The following MRPS28 variants were observed in gnomAD, a reference collection of about 807,000 sequenced individuals.
The protein encoded by MRPS28 is mitochondrial ribosomal protein S28.
A neutral mutation model predicts 10.8 loss-of-function variants in MRPS28; 7 were observed. The ratio of observed to expected loss-of-function variants is 0.65; its 90% CI spans 0.37 to 1.22. The LOEUF is 1.22. MRPS28 is among the 50% of genes most tolerant of loss of function. The probability of loss-of-function intolerance (pLI) is 0.02; values close to 1 mark genes in which losing one functional copy is unlikely to be tolerated. For synonymous variants in MRPS28, 121 were observed against 93.3 expected (o/e 1.30, Z -1.71); for missense variants, 265 against 232.9 (o/e 1.14, Z -0.90).
At chr8:80,020,179 T>C (rs979599852) in intron 1 of MRPS28, among the ~76,000 whole-genome samples, 7 of 152,176 alleles carry the variant, frequency 4.6e-5, no homozygotes, top group Non-Finnish European at 8.8e-5. Context: ...TGCGTGACCA[T>C]AAGGCATTGT....
intron 2 of MRPS28, among the ~76,000 whole-genome samples, chr8:79,955,948 T>C (rs972207842): frequency 6.6e-6 from 1 of 152,144 alleles, no homozygotes; most frequent in Non-Finnish European, 1.5e-5. Flanking sequence ...TAGCTTCCGA[T>C]TTTCCAAAGG....
At chr8:80,018,838 C>T (rs1809274568) in intron 1 of MRPS28, among the ~76,000 whole-genome samples, 1 of 152,212 alleles carries the variant, frequency 6.6e-6, no homozygotes, top group Admixed American at 6.5e-5. Context: ...GATCCTGTCA[C>T]TTGCAACAAC....
intron 1 of MRPS28, among the ~76,000 whole-genome samples, chr8:80,016,757 G>A (rs749004510): frequency 9.9e-5 from 15 of 152,088 alleles, no homozygotes; most frequent in African/African-American, 1.4e-4. Context: ...TGAAGAAGTC[G>A]GAATAATCCT....
intron 2 of MRPS28, among the ~76,000 whole-genome samples, chr8:79,928,835 G>A (rs1043828645): frequency 1.5e-4 from 22 of 151,710 alleles, no homozygotes; most frequent in African/African-American, 5.1e-4. Context: ...CCTGAGGTCA[G>A]AAGTTCAAGA....
chr8:79,960,367 C>T (rs1394740880), intron 2 of MRPS28, among the ~76,000 whole-genome samples: 2 of 152,104 alleles, frequency 1.3e-5, no homozygotes, highest in Admixed American at 1.3e-4. Context: ...GGCTCTGTGC[C>T]AGAGCCTAAT....
At chr8:79,942,085 T>C (rs80213907) in intron 2 of MRPS28, among the ~76,000 whole-genome samples, 2,930 of 152,242 alleles carry the variant, frequency 0.019, 86 homozygotes, top group African/African-American at 0.064. Flanking sequence ...CCTAGTGGCA[T>C]GCAAAGTCTC....
At chr8:80,011,259 A>T (rs1809039102) in intron 1 of MRPS28, among the ~76,000 whole-genome samples, 1 of 151,878 alleles carries the variant, frequency 6.6e-6, no homozygotes, top group Admixed American at 6.6e-5. Context: ...TCAAGAGAAG[A>T]GCAAACAGTA....
chr8:80,001,908 T>C (rs1406092769), intron 2 of MRPS28, among the ~76,000 whole-genome samples: 3 of 152,208 alleles, frequency 2.0e-5, no homozygotes, highest in East Asian at 1.9e-4. Flanking sequence ...TGTTGGTGAC[T>C]TGACATTGGC....
At chr8:79,986,529 T>C (rs1178051260) in intron 2 of MRPS28, among the ~76,000 whole-genome samples, 13 of 152,214 alleles carry the variant, frequency 8.5e-5, no homozygotes, top group Non-Finnish European at 1.8e-4. Flanking sequence ...GAAAACCCCG[T>C]TGTCTCAGCC....
intron 2 of MRPS28, among the ~76,000 whole-genome samples, chr8:79,987,821 G>T (rs565835146): frequency 4.9e-4 from 74 of 152,222 alleles, no homozygotes; most frequent in Admixed American, 1.5e-3. Flanking sequence ...ACTTTTACAC[G>T]GTTGGTGGGA....
intron 1 of MRPS28, among the ~76,000 whole-genome samples, chr8:80,019,217 A>C (rs1293854231): frequency 1.3e-5 from 2 of 151,270 alleles, no homozygotes; most frequent in Non-Finnish European, 2.9e-5. Flanking sequence ...TGTTAACACA[A>C]AGAGTAAATG....
chr8:79,986,312 A>C (rs961954855), intron 2 of MRPS28, among the ~76,000 whole-genome samples: 2 of 152,354 alleles, frequency 1.3e-5, no homozygotes, highest in South Asian at 4.1e-4. Flanking sequence ...ACCCACAGTC[A>C]ATATCATACT....
chr8:79,945,165 C>T (rs1474738518), intron 2 of MRPS28, among the ~76,000 whole-genome samples: 1 of 152,076 alleles, frequency 6.6e-6, no homozygotes, highest in East Asian at 1.9e-4. Flanking sequence ...TTGGAAAGTC[C>T]TGGCAACCTA....
chr8:79,960,273 G>T (rs1807342288), intron 2 of MRPS28, among the ~76,000 whole-genome samples: 1 of 152,090 alleles, frequency 6.6e-6, no homozygotes, highest in Non-Finnish European at 1.5e-5. Context: ...ATAGAATGCT[G>T]CTGCAGGCTG....
intron 2 of MRPS28, among the ~76,000 whole-genome samples, chr8:79,983,892 G>A (rs1469974264): frequency 6.6e-6 from 1 of 152,142 alleles, no homozygotes; most frequent in East Asian, 1.9e-4. Context: ...TAGCAAGGCA[G>A]GCCAACATTC....
At chr8:79,977,229 CA>C (rs1205355032) in intron 2 of MRPS28, among the ~76,000 whole-genome samples, 67 of 152,202 alleles carry the variant, frequency 4.4e-4, no homozygotes, top group African/African-American at 1.6e-3. Flanking sequence ...TGGTGGAGCT[CA>C]TTAAATACTC....
chr8:79,919,185 A>C, intron 2 of MRPS28, 37 bp from the exon 3 acceptor site: 4 of 1,494,346 alleles, frequency 2.7e-6, no homozygotes, highest in Non-Finnish European at 3.6e-6. Context: ...ATTAATTCTG[A>C]ATATCATAAC....
At chr8:80,009,132 G>A (rs891979422) in intron 1 of MRPS28, among the ~76,000 whole-genome samples, 6 of 152,120 alleles carry the variant, frequency 3.9e-5, no homozygotes, top group African/African-American at 7.2e-5. Context: ...GTAGGGACAC[G>A]GATGAAGCTG....
At chr8:79,940,559 T>C (rs1175340528) in intron 2 of MRPS28, among the ~76,000 whole-genome samples, 1 of 152,234 alleles carries the variant, frequency 6.6e-6, no homozygotes, top group Non-Finnish European at 1.5e-5. Context: ...CAAAAGAAAC[T>C]ATACAGCAGA....
Sources: allele counts gnomAD v4.1 joint callset (sites outside exome capture counted in the v4.1 genomes callset), GRCh38; gene constraint gnomAD v4.1.1; transcripts MANE v1.5; gene names NCBI Gene and HGNC (gene_info 2026-07-23, HGNC 2026-07-21).